The following RFX3 variants were observed in gnomAD, a reference collection of about 807,000 sequenced individuals.
RFX3 encodes regulatory factor X3, also known as transcription factor RFX3.
Under a neutral mutation model 98.6 loss-of-function variants are expected in RFX3, and 14 were observed. The observed-to-expected ratio is 0.14, with a 90% CI of 0.09 to 0.22. The LOEUF is 0.22. RFX3 is among the 10% of genes least tolerant of loss of function. The pLI, the probability that RFX3 is intolerant of heterozygous loss-of-function variation, is 1.00. For missense variants in RFX3, 639 were observed against 926.9 expected (o/e 0.69, Z 4.03); for synonymous variants, 383 against 328.4 (o/e 1.17, Z -1.80).
chr9:3,330,525 A>C lies in RFX3; in HGVS notation c.216-8T>G. 1.3e-6 allele frequency: 2 copies of C among 1,588,250 alleles called. No individual in the cohort carries two copies. The highest frequency in any genetic ancestry group is 1.7e-6 in the Non-Finnish European group (2 of 1,165,118). ...GGATACGTTGTTGTTCGGCTTTAGA[A>C]GAAGAAGAAAAAAGAAATTTACTAG... On this transcript the variant is annotated splice_polypyrimidine_tract_variant and splice_region_variant and intron_variant, in intron 3 of 16. Transcript: ENST00000617270.
At chr9:3,445,332 C>T (rs1217203856) in intron 1 of RFX3, among the ~76,000 whole-genome samples, 1 of 150,470 alleles carries the variant, frequency 6.6e-6, no homozygotes, top group Non-Finnish European at 1.5e-5. Context: ...GTAATAGCCA[C>T]TACTTAGTGA....
At position 3,360,517 on chromosome 9, in the gene RFX3, G is replaced by GA. The variant is rs954498682; in HGVS notation, c.118-13754dup. 5.9e-5 allele frequency among the ~76,000 whole-genome samples: 9 copies of GA among 151,574 alleles called. 1 individual carries two copies. The highest frequency in any genetic ancestry group is 2.2e-4 in the African/African-American group (9 of 41,350). ...CAGAATTTATTCTGTCAACTGAAGG[G>GA]AAAAAAAATTATCCCCCAAATATAA... On this transcript the variant is annotated intron_variant, in intron 2 of 16. Transcript: ENST00000617270.
intron 1 of RFX3, among the ~76,000 whole-genome samples, chr9:3,473,456 C>A (rs1453663745): frequency 6.6e-6 from 1 of 152,180 alleles, no homozygotes. Flanking sequence ...AACATGCGTA[C>A]TGAATTAGGG....
In RFX3 at chr9:3,369,091, T is replaced by G. The variant is rs368182560; in HGVS notation, c.118-22327A>C. Among the ~76,000 whole-genome samples the G allele has an allele frequency of 1.3e-3, 198 of 152,110 alleles. 1 individual carries two copies. Among genetic ancestry groups the G allele is most frequent in the African/African-American group, 4.5e-3 (188 of 41,510 alleles). On this transcript the variant is annotated intron_variant, in intron 2 of 16. Transcript: ENST00000617270. ...CCAAGGAAAAAATCACAAAGGCAAA[T>G]AGCACACCAGGAGAAAAAGATAGGA...
chr9:3,269,134 T>C (rs2131311895), intron 11 of RFX3, among the ~76,000 whole-genome samples: 1 of 152,114 alleles, frequency 6.6e-6, no homozygotes, highest in East Asian at 1.9e-4. Flanking sequence ...TAGAATATAT[T>C]ACCAATTTAC....
In RFX3 at chr9:3,465,729, CAG is replaced by C. The variant is rs74802791; in HGVS notation, c.-9+60016_-9+60017del. 9.9e-5 allele frequency among the ~76,000 whole-genome samples: 15 copies of C among 151,870 alleles called. No individual in the cohort carries two copies. In the East Asian group the frequency reaches 2.5e-3, roughly 25 times the overall value. On this transcript the variant is annotated intron_variant, in intron 1 of 16. Transcript: ENST00000617270. ...ATACAAAGAAGAGAAGGTATGCAAACAGGGCATTTTTATTAATAATACAAGAT... is the reference window on the plus strand; with the variant it reads ...ATACAAAGAAGAGAAGGTATGCAAACGGCATTTTTATTAATAATACAAGAT...
intron 2 of RFX3, among the ~76,000 whole-genome samples, chr9:3,389,971 G>T (rs1840131077): frequency 6.6e-6 from 1 of 152,086 alleles, no homozygotes; most frequent in Admixed American, 6.6e-5. Flanking sequence ...ATGGATACTT[G>T]AGGTCATATA....
intron 1 of RFX3, among the ~76,000 whole-genome samples, chr9:3,510,131 G>A (rs1258834543): frequency 1.3e-5 from 2 of 151,878 alleles, no homozygotes; most frequent in Non-Finnish European, 2.9e-5. Flanking sequence ...GTCTCTTTTG[G>A]TCTGCTGTGC....
intron 1 of RFX3, among the ~76,000 whole-genome samples, chr9:3,396,940 C>T (rs1202298894): frequency 2.0e-5 from 3 of 152,034 alleles, no homozygotes; most frequent in Admixed American, 2.0e-4. Flanking sequence ...TAAACTTAGC[C>T]AAAGAATCAA....
At chr9:3,263,811 C>T (rs766036768) in intron 12 of RFX3, among the ~76,000 whole-genome samples, 22 of 152,164 alleles carry the variant, frequency 1.4e-4, no homozygotes, top group Non-Finnish European at 3.1e-4. Flanking sequence ...TGGCTTCCAC[C>T]TGGGTTTGAC....
chr9:3,370,223 G>C (rs952077056), intron 2 of RFX3, among the ~76,000 whole-genome samples: 2 of 150,568 alleles, frequency 1.3e-5, no homozygotes, highest in African/African-American at 4.9e-5. Context: ...CCTAGAGCAA[G>C]TTATCCAATG....
intron 7 of RFX3, among the ~76,000 whole-genome samples, chr9:3,286,472 G>A (rs555225175): frequency 2.6e-5 from 4 of 151,650 alleles, no homozygotes; most frequent in Admixed American, 2.0e-4. Context: ...TTATATAATA[G>A]CCAACCTTGA....
intron 12 of RFX3, among the ~76,000 whole-genome samples, chr9:3,263,702 T>C (rs891955728): frequency 6.6e-6 from 1 of 152,222 alleles, no homozygotes; most frequent in Non-Finnish European, 1.5e-5. Context: ...GGGAAATTTC[T>C]ATTTGCCTCT....
intron 3 of RFX3, among the ~76,000 whole-genome samples, chr9:3,342,814 T>G (rs934710277): frequency 6.6e-6 from 1 of 152,178 alleles, no homozygotes; most frequent in African/African-American, 2.4e-5. Flanking sequence ...GAAATAAAGA[T>G]GATGATCAAG....
chr9:3,393,873 G>C (rs887277932), intron 2 of RFX3, among the ~76,000 whole-genome samples: 2 of 152,038 alleles, frequency 1.3e-5, no homozygotes, highest in Admixed American at 6.6e-5. Context: ...TTACCTATTG[G>C]GTACAATGTT....
At chr9:3,393,847 G>C (rs546774120) in intron 2 of RFX3, among the ~76,000 whole-genome samples, 2 of 152,232 alleles carry the variant, frequency 1.3e-5, no homozygotes, top group South Asian at 4.2e-4. Flanking sequence ...GTGGGAAGGG[G>C]ATAAGTGTTG....
At chr9:3,303,215 A>G (rs1210669182) in intron 4 of RFX3, among the ~76,000 whole-genome samples, 2 of 151,946 alleles carry the variant, frequency 1.3e-5, no homozygotes, top group African/African-American at 2.4e-5. Context: ...GATATATTAC[A>G]GAAAGAGTAA....
intron 1 of RFX3, among the ~76,000 whole-genome samples, chr9:3,517,169 C>T (rs189176305): frequency 2.6e-5 from 4 of 152,162 alleles, no homozygotes; most frequent in Admixed American, 2.6e-4. Context: ...GTCAATCTTG[C>T]TACAGAATCA....
intron 4 of RFX3, among the ~76,000 whole-genome samples, chr9:3,309,713 A>G (rs1175075561): frequency 6.6e-6 from 1 of 152,230 alleles, no homozygotes; most frequent in Non-Finnish European, 1.5e-5. Context: ...AATGTAATAG[A>G]AAAGAAAAAA....
Sources: gnomAD v4.1 joint callset for allele counts (sites outside exome capture counted in the v4.1 genomes callset) on GRCh38, gnomAD v4.1.1 for gene constraint, MANE v1.5 for transcripts, NCBI Gene and HGNC (gene_info 2026-07-23, HGNC 2026-07-21) for gene names.